TG: variants seen among roughly 807,000 people sequenced by gnomAD.
TG encodes thyroid hormones.
A neutral mutation model predicts 324.7 loss-of-function variants in TG; 270 were observed. That is an observed-to-expected ratio of 0.83 (90% confidence interval 0.75 to 0.92). The LOEUF is 0.92. Ranked by LOEUF, TG falls within the 40% of genes least tolerant of loss-of-function variation. The pLI, the probability that TG is intolerant of heterozygous loss-of-function variation, is 0.00. For synonymous variants in TG, 1,401 were observed against 1,327.0 expected (o/e 1.06, Z -1.21); for missense variants, 3,591 against 3,456.4 (o/e 1.04, Z -0.98).
intron 5 of TG, among the ~76,000 whole-genome samples, chr8:132,881,101 A>G (rs1814584071): frequency 6.6e-6 from 1 of 152,228 alleles, no homozygotes; most frequent in South Asian, 2.1e-4. Context: ...TCTAAATGTT[A>G]TAAAAGATGA....
Position 133,019,725 on chromosome 8 carries a change from C to T in TG, c.6876+30C>T, listed in dbSNP as rs765921243. 5 of 1,577,896 alleles carry T rather than the reference C, an allele frequency of 3.2e-6. No individual in the cohort carries two copies. In the South Asian group the frequency reaches 5.6e-5, roughly 18 times the overall value. Reference sequence around the variant, plus strand: ...GTTCAAAAGCACTTGCTATGGTTGCCCTGAAGACTGTCCCATTAGAAATCC... The same window carrying T: ...GTTCAAAAGCACTTGCTATGGTTGCTCTGAAGACTGTCCCATTAGAAATCC... On this transcript the variant is annotated intron_variant, in intron 39 of 47. Transcript: ENST00000220616.
intron 35 of TG, among the ~76,000 whole-genome samples, chr8:133,008,830 G>A (rs957495638): frequency 1.3e-5 from 2 of 152,232 alleles, no homozygotes; most frequent in African/African-American, 4.8e-5. Flanking sequence ...ATGCAGCAGT[G>A]TTGCAAGTTC....
intron 43 of TG, among the ~76,000 whole-genome samples, chr8:133,103,938 A>G (rs1849563414): frequency 6.6e-6 from 1 of 152,258 alleles, no homozygotes; most frequent in Non-Finnish European, 1.5e-5. Context: ...TTCAGATCTT[A>G]GAAATGCCCT....
At chr8:133,057,491 G>A (rs1050348731) in intron 41 of TG, among the ~76,000 whole-genome samples, 2 of 152,192 alleles carry the variant, frequency 1.3e-5, no homozygotes, top group Non-Finnish European at 2.9e-5. Flanking sequence ...CCCAAACAGA[G>A]TTTTTAAAAG....
rs1322098753 is a variant in TG at position 132,917,925 on chromosome 8, A to C, written c.4379-1451A>C. On this transcript the variant is annotated intron_variant, in intron 20 of 47. Transcript: ENST00000220616. ...TTTTTTAATTGCAAAAACCACAATT[A>C]CTTTTGCGCCAGCTTAATATTAAGG... Among the ~76,000 whole-genome samples the C allele has an allele frequency of 2.1e-5, 3 of 140,238 alleles. No individual in the cohort carries two copies. The Admixed American group carries it at 2.2e-4, about 10-fold the overall frequency. The allele number at this position is 140,238 out of a possible 152,430, so 92.0% of individuals were successfully genotyped here.
chr8:132,995,269 GTGTAACA>G (rs1184671096), intron 35 of TG: 2 of 979,380 alleles, frequency 2.0e-6, no homozygotes, highest in African/African-American at 3.5e-5. Flanking sequence ...AAAGTCCTAT[GTGTAACA>G]TGCTTAGCCT....
At chr8:132,967,483 T>A (rs1828796275) in intron 30 of TG, among the ~76,000 whole-genome samples, 1 of 152,184 alleles carries the variant, frequency 6.6e-6, no homozygotes, top group Non-Finnish European at 1.5e-5. Context: ...GATCCTGACT[T>A]CCTCTGAGAT....
chr8:133,071,979 C>A (rs1487110422), intron 41 of TG, among the ~76,000 whole-genome samples: 1 of 152,210 alleles, frequency 6.6e-6, no homozygotes, highest in Non-Finnish European at 1.5e-5. Context: ...TATAAACTGC[C>A]TGGCACAGTA....
chr8:132,943,140 G>A lies in TG; in HGVS notation c.5233+1598G>A, dbSNP rs368945802. ...TGCAGGCCCATGCCTGATACAATTTGGATGTTTGTCCCTCCTCATCTCATG... is the reference window on the plus strand; with the variant it reads ...TGCAGGCCCATGCCTGATACAATTTAGATGTTTGTCCCTCCTCATCTCATG... On this transcript the variant is annotated intron_variant, in intron 26 of 47. Transcript: ENST00000220616. 3.2e-4 allele frequency among the ~76,000 whole-genome samples: 49 copies of A among 152,250 alleles called. No individual in the cohort carries two copies. The South Asian group carries it at 6.2e-3, about 19-fold the overall frequency.
At chr8:133,060,194 C>G in intron 41 of TG, 1 of 1,613,356 alleles carries the variant, frequency 6.2e-7, no homozygotes, top group Non-Finnish European at 8.5e-7. Context: ...CTGGTGATGC[C>G]CAGAGCCTGT....
intron 37 of TG, among the ~76,000 whole-genome samples, chr8:133,016,299 A>T (rs947651416): frequency 6.6e-6 from 1 of 152,168 alleles, no homozygotes; most frequent in African/African-American, 2.4e-5. Flanking sequence ...TTTGTTGTAT[A>T]TGTGTGGGAG....
At position 133,095,169 on chromosome 8, in the gene TG, C is replaced by T. The variant is rs923218100; in HGVS notation, c.7365C>T (p.Arg2455=). The change falls in exon 42 of 48, where the codon CGC becomes CGT. Residue 2455 remains arginine (R), a synonymous_variant. Transcript: ENST00000220616. ...SSSQEVVSCL[R]QKPANVLNDA... ...GCCAAGAAGTGGTGTCCTGCCTCCGCCAGAAGCCTGCCAATGTCCTCAATG... is the reference window on the plus strand; with the variant it reads ...GCCAAGAAGTGGTGTCCTGCCTCCGTCAGAAGCCTGCCAATGTCCTCAATG... The T allele has an allele frequency of 1.9e-6, 3 of 1,614,188 alleles. No homozygotes were observed.
chr8:133,107,983 T>C (rs1456451464), intron 43 of TG, among the ~76,000 whole-genome samples: 4 of 111,658 alleles, frequency 3.6e-5, no homozygotes, highest in African/African-American at 2.6e-4. Context: ...TCTTTTCTTC[T>C]TTTTTTTTTT....
At chr8:132,990,818 C>G (rs7844859) in intron 35 of TG, among the ~76,000 whole-genome samples, 25,182 of 152,032 alleles carry the variant, frequency 0.17, 2,597 homozygotes, top group Middle Eastern at 0.31. Context: ...GTACTCAACC[C>G]GGATGTAAAC....
At chr8:133,016,910 A>G (rs1345225243) in intron 37 of TG, among the ~76,000 whole-genome samples, 4 of 152,246 alleles carry the variant, frequency 2.6e-5, no homozygotes, top group Admixed American at 2.0e-4. Context: ...TTAGTGTTGC[A>G]TGGAGCAGGG....
rs751455739 is a variant in TG at position 133,095,152 on chromosome 8, G to A, written c.7348G>A (p.Val2450Met). 6.2e-7 allele frequency: 1 copy of A among 1,614,278 alleles called. No individual in the cohort carries two copies. Among genetic ancestry groups the A allele is most frequent in the Non-Finnish European group, 8.5e-7 (1 of 1,180,048 alleles). ...VSCPMSSSQE[V>M]VSCLRQKPAN... ...TTGCCCCATGTCATCCAGCCAAGAA[G>A]TGGTGTCCTGCCTCCGCCAGAAGCC... is the stretch of plus-strand genomic sequence containing the variant. The change falls in exon 42 of 48, where the codon GTG becomes ATG. Residue 2450 changes from valine to methionine, a missense_variant. Transcript: ENST00000220616.
In TG at chr8:132,966,464, C is replaced by G. The variant is rs76179005; in HGVS notation, c.5549-96C>G. 8,680 of 1,150,116 alleles carry G rather than the reference C, an allele frequency of 7.5e-3. 101 individuals carry two copies. Among genetic ancestry groups the G allele is most frequent in the Admixed American group, 0.044 (2,407 of 54,222 alleles). 71.2% of individuals were successfully genotyped at this position (1,150,116 alleles called of 1,614,324 possible). A position where few individuals can be genotyped will look rare whatever the true frequency, so the allele number is the denominator to read the frequency against. On this transcript the variant is annotated intron_variant, in intron 29 of 47. Transcript: ENST00000220616. ...TGACACTTTCTCTCTCTGTCTCTCT[C>G]TCTGTGTGTGTGTGTGTGTGTGTTT...
rs758191213 is a variant in TG at position 133,022,038 on chromosome 8, G to T, written c.6924G>T (p.Arg2308Ser). ...TGTTCTTCCACAACACCATGGACAG[G>T]GAGGAGAGTGAAGGATGGCCGGCTA... ...VLVFFHNTMD[R>S]EESEGWPAID... is the part of the protein sequence containing the mutation. The change falls in exon 40 of 48, where the codon AGG becomes AGT. Residue 2308 changes from arginine (R) to serine (S), a missense_variant. By Grantham distance (110) the Arg-to-Ser change is moderately radical. Transcript: ENST00000220616. 4.3e-6 allele frequency: 7 copies of T among 1,614,056 alleles called. No homozygotes were observed. The East Asian group carries it at 1.6e-4, about 36-fold the overall frequency.
At chr8:133,033,697 G>A (rs776074254) in intron 41 of TG, among the ~76,000 whole-genome samples, 3 of 152,186 alleles carry the variant, frequency 2.0e-5, no homozygotes, top group Non-Finnish European at 4.4e-5. Context: ...AGCATATCCA[G>A]TATCCACCTG....
Sources: gnomAD v4.1 joint callset for allele counts (sites outside exome capture counted in the v4.1 genomes callset) on GRCh38, gnomAD v4.1.1 for gene constraint, MANE v1.5 for transcripts, NCBI Gene and HGNC (gene_info 2026-07-23, HGNC 2026-07-21) for gene names.